The following FHIT variants were observed in gnomAD, a reference collection of about 807,000 sequenced individuals.
FHIT encodes the protein bis(5'-adenosyl)-triphosphatase.
A neutral mutation model predicts 17.9 loss-of-function variants in FHIT; 19 were observed. The ratio of observed to expected loss-of-function variants is 1.06; its 90% CI spans 0.74 to 1.56. The LOEUF (loss-of-function observed/expected upper bound fraction) is 1.56. Ranked by LOEUF, FHIT falls within the 40% of genes most tolerant of loss-of-function variation. The pLI is 0.00. For missense variants in FHIT, 248 were observed against 189.2 expected (o/e 1.31, Z -1.82); for synonymous variants, 81 against 69.7 (o/e 1.16, Z -0.81).
chr3:61,101,157 T>C (rs1020941987), intron 2 of FHIT, among the ~76,000 whole-genome samples: 3 of 152,242 alleles, frequency 2.0e-5, no homozygotes, highest in African/African-American at 7.2e-5. Context: ...CTGAATACTA[T>C]CGCCTAGGTT....
intron 5 of FHIT, among the ~76,000 whole-genome samples, chr3:60,454,644 A>C (rs2031972881): frequency 6.6e-6 from 1 of 152,114 alleles, no homozygotes; most frequent in Non-Finnish European, 1.5e-5. Context: ...TTAGCCTCTC[A>C]AAGTGCTGGG....
intron 8 of FHIT, among the ~76,000 whole-genome samples, chr3:59,883,043 A>G (rs1703474036): frequency 6.6e-6 from 1 of 152,182 alleles, no homozygotes; most frequent in East Asian, 1.9e-4. Flanking sequence ...CAGGACCCAT[A>G]TAAGGAGGAT....
chr3:60,245,479 C>T (rs1037075879), intron 5 of FHIT, among the ~76,000 whole-genome samples: 2 of 151,928 alleles, frequency 1.3e-5, no homozygotes, highest in East Asian at 1.9e-4. Context: ...TACAAAATGG[C>T]CAATAAGCTC....
chr3:60,348,172 C>T (rs1032451992), intron 5 of FHIT, among the ~76,000 whole-genome samples: 1 of 151,842 alleles, frequency 6.6e-6, no homozygotes, highest in African/African-American at 2.4e-5. Flanking sequence ...TCTAACCACA[C>T]CTAAGAATTG....
chr3:60,055,448 C>CTTTT (rs4024133), intron 5 of FHIT, among the ~76,000 whole-genome samples: 3 of 143,114 alleles, frequency 2.1e-5, no homozygotes, highest in Middle Eastern at 3.3e-3. Flanking sequence ...GATGGACTTT[C>CTTTT]TTTTTTTTTT....
At chr3:60,739,782 C>A (rs76211169) in intron 4 of FHIT, among the ~76,000 whole-genome samples, 7,340 of 152,242 alleles carry the variant, frequency 0.048, 226 homozygotes, top group Middle Eastern at 0.1. Flanking sequence ...ATTAATGAGC[C>A]ATACACCCAG....
At chr3:60,014,553 G>A (rs1243777279) in intron 5 of FHIT, among the ~76,000 whole-genome samples, 1 of 152,096 alleles carries the variant, frequency 6.6e-6, no homozygotes, top group Non-Finnish European at 1.5e-5. Context: ...ATATCTACTT[G>A]GTTTCTCTAG....
At chr3:60,254,723 T>C (rs1705898709) in intron 5 of FHIT, among the ~76,000 whole-genome samples, 1 of 152,066 alleles carries the variant, frequency 6.6e-6, no homozygotes, top group Non-Finnish European at 1.5e-5. Flanking sequence ...TCCATTACAA[T>C]CCACTCCCCT....
At chr3:60,522,040 GC>G (rs2035388773) in intron 5 of FHIT, among the ~76,000 whole-genome samples, 1 of 151,504 alleles carries the variant, frequency 6.6e-6, no homozygotes, top group Non-Finnish European at 1.5e-5. Flanking sequence ...TCAGAGGGTG[GC>G]AGGTGAAGGT....
chr3:59,878,967 T>C (rs1334208046), intron 8 of FHIT, among the ~76,000 whole-genome samples: 1 of 151,964 alleles, frequency 6.6e-6, no homozygotes, highest in Non-Finnish European at 1.5e-5. Context: ...TTTTTTTCTG[T>C]CTATTTCGCA....
At chr3:60,737,522 T>C (rs1383487429) in intron 4 of FHIT, among the ~76,000 whole-genome samples, 1 of 152,246 alleles carries the variant, frequency 6.6e-6, no homozygotes, top group Non-Finnish European at 1.5e-5. Flanking sequence ...GTGTTGCTAA[T>C]AGCATTGTGT....
At chr3:60,842,637 A>ATG (rs1702770703) in intron 3 of FHIT, among the ~76,000 whole-genome samples, 1 of 36,252 alleles carries the variant, frequency 2.8e-5, no homozygotes, top group Non-Finnish European at 6.9e-5. Flanking sequence ...GTGTATATAT[A>ATG]TATATATATT....
chr3:60,734,397 T>A (rs1029183579), intron 4 of FHIT, among the ~76,000 whole-genome samples: 1 of 152,186 alleles, frequency 6.6e-6, no homozygotes, highest in Non-Finnish European at 1.5e-5. Context: ...TCTCTATATT[T>A]TAATTTATTT....
chr3:61,080,570 G>T (rs548555412), intron 2 of FHIT, among the ~76,000 whole-genome samples: 1 of 152,008 alleles, frequency 6.6e-6, no homozygotes. Flanking sequence ...ATAGATGTTC[G>T]ATATTATAGT....
intron 8 of FHIT, among the ~76,000 whole-genome samples, chr3:59,901,487 G>C (rs1218691142): frequency 6.6e-6 from 1 of 152,144 alleles, no homozygotes; most frequent in Admixed American, 6.5e-5. Context: ...TTCCTCCAAA[G>C]AAGCTATACA....
At chr3:59,856,033 G>A (rs947702110) in intron 8 of FHIT, among the ~76,000 whole-genome samples, 3 of 151,828 alleles carry the variant, frequency 2.0e-5, no homozygotes, top group Admixed American at 6.6e-5. Flanking sequence ...CACCCGCCTC[G>A]GCCTCCCAAA....
chr3:59,859,639 G>A (rs750119867), intron 8 of FHIT, among the ~76,000 whole-genome samples: 80 of 152,176 alleles, frequency 5.3e-4, no homozygotes, highest in Non-Finnish European at 1.0e-3. Flanking sequence ...GAATTGCTTA[G>A]AAGCTGGGAG....
chr3:60,769,957 T>A (rs1699985916), intron 4 of FHIT, among the ~76,000 whole-genome samples: 1 of 152,192 alleles, frequency 6.6e-6, no homozygotes, highest in South Asian at 2.1e-4. Context: ...TTTGGACACC[T>A]CACACCCCAC....
At chr3:60,955,610 A>ATATATACATATATATATATACATG (rs1709092437) in intron 3 of FHIT, among the ~76,000 whole-genome samples, 4 of 13,118 alleles carry the variant, frequency 3.0e-4, no homozygotes, top group Non-Finnish European at 7.2e-4. Context: ...ATATATATAT[A>ATATATACATATATATATATACATG]TATATATATA....
Sources: gnomAD v4.1 joint callset for allele counts (sites outside exome capture counted in the v4.1 genomes callset) on GRCh38, gnomAD v4.1.1 for gene constraint, MANE v1.5 for transcripts, NCBI Gene and HGNC (gene_info 2026-07-23, HGNC 2026-07-21) for gene names.